Variants in KSR2 observed in about 807,000 individuals in gnomAD.
The protein encoded by KSR2 is kinase suppressor of ras 2.
In KSR2, 25 loss-of-function variants were observed where a neutral mutation model predicts 107.8. The ratio of observed to expected loss-of-function variants is 0.23; its 90% CI spans 0.17 to 0.32. The LOEUF is 0.32. Ranked by LOEUF, KSR2 falls within the 10% of genes least tolerant of loss-of-function variation. The probability of loss-of-function intolerance (pLI) is 1.00; values close to 1 mark genes in which losing one functional copy is unlikely to be tolerated. For missense variants in KSR2, 887 were observed against 1,268.9 expected, an observed-to-expected ratio of 0.70 and a Z score of 4.57; for synonymous variants, 480 against 507.0, an observed-to-expected ratio of 0.95 and a Z score of 0.71.
intron 5 of KSR2, among the ~76,000 whole-genome samples, chr12:117,627,905 T>C (rs1882607065): frequency 6.6e-6 from 1 of 152,242 alleles, no homozygotes; most frequent in African/African-American, 2.4e-5. Context: ...CATTTCTTTT[T>C]ACTCTTTTTT....
chr12:117,947,254 A>G (rs1279000986), intron 1 of KSR2, among the ~76,000 whole-genome samples: 2 of 124,698 alleles, frequency 1.6e-5, no homozygotes, highest in African/African-American at 3.1e-5. Flanking sequence ...AGAAAGAAAG[A>G]AAGAAGATAA....
chr12:117,622,785 C>T (rs967233100), intron 5 of KSR2, among the ~76,000 whole-genome samples: 1 of 152,182 alleles, frequency 6.6e-6, no homozygotes, highest in Non-Finnish European at 1.5e-5. Context: ...CAAACCCATC[C>T]AAGCTGTTAC....
At chr12:117,924,059 G>C (rs1286159801) in intron 1 of KSR2, among the ~76,000 whole-genome samples, 6 of 151,050 alleles carry the variant, frequency 4.0e-5, no homozygotes, top group East Asian at 2.0e-4. Flanking sequence ...TGTATTCTTA[G>C]TAGAGACGGG....
intron 5 of KSR2, among the ~76,000 whole-genome samples, chr12:117,590,322 C>T (rs2136265950): frequency 6.6e-6 from 1 of 152,284 alleles, no homozygotes; most frequent in South Asian, 2.1e-4. Context: ...AATCAACTTG[C>T]CCAGTGCAGT....
intron 4 of KSR2, among the ~76,000 whole-genome samples, chr12:117,753,947 CGTGTGTGTGTGTGTGTGTGTGTGTGT>C (rs34174404): frequency 5.1e-4 from 66 of 129,028 alleles, no homozygotes; most frequent in African/African-American, 1.6e-3. Flanking sequence ...AAGTATAGAG[CGTGTGTGTGTGTGTGTGTGTGTGTGT>C]GTGTGTGTGT....
At chr12:117,690,931 G>T (rs1221408260) in intron 4 of KSR2, among the ~76,000 whole-genome samples, 1 of 152,128 alleles carries the variant, frequency 6.6e-6, no homozygotes, top group African/African-American at 2.4e-5. Context: ...CAGGTTCTCA[G>T]ATCCGAAGGT....
chr12:117,621,341 T>C (rs1403969452), intron 5 of KSR2, among the ~76,000 whole-genome samples: 1 of 152,180 alleles, frequency 6.6e-6, no homozygotes, highest in East Asian at 1.9e-4. Flanking sequence ...CTCTGGCAGT[T>C]ATTTACAGCA....
chr12:117,721,713 C>T (rs1453557710), intron 4 of KSR2, among the ~76,000 whole-genome samples: 1 of 152,132 alleles, frequency 6.6e-6, no homozygotes, highest in Non-Finnish European at 1.5e-5. Context: ...GAGTGCATTC[C>T]TACTCCCTAG....
Position 117,552,311 on chromosome 12 carries a change from G to A in KSR2, c.1518+2858C>T, listed in dbSNP as rs145839797. On this transcript the variant is annotated intron_variant, in intron 9 of 19. Transcript: ENST00000339824. ...ACTGTCTGAGGTTAGTGTTCTTATT[G>A]CCTGCCACGGGCTCTTTAAAACATG... Among the ~76,000 whole-genome samples, 54 of 152,282 alleles carry A rather than the reference G, an allele frequency of 3.5e-4. 1 individual carries two copies. The East Asian group carries it at 0.01, about 28-fold the overall frequency.
At chr12:117,840,361 G>A (rs1892417195) in intron 3 of KSR2, among the ~76,000 whole-genome samples, 1 of 152,108 alleles carries the variant, frequency 6.6e-6, no homozygotes, top group East Asian at 1.9e-4. Context: ...GCCTCCCAAA[G>A]TGCTGGGATT....
chr12:117,533,837 A>G (rs1184470925), intron 10 of KSR2, among the ~76,000 whole-genome samples: 1 of 152,146 alleles, frequency 6.6e-6, no homozygotes, highest in Non-Finnish European at 1.5e-5. Flanking sequence ...GGACACCAGC[A>G]AATGCCTCCA....
intron 1 of KSR2, among the ~76,000 whole-genome samples, chr12:117,920,648 C>A (rs1016955316): frequency 1.3e-5 from 2 of 152,060 alleles, no homozygotes; most frequent in South Asian, 4.2e-4. Flanking sequence ...TTTTTAGATA[C>A]AGAAATTGTG....
At chr12:117,913,755 G>A (rs1488747532) in intron 1 of KSR2, among the ~76,000 whole-genome samples, 2 of 152,132 alleles carry the variant, frequency 1.3e-5, no homozygotes, top group Non-Finnish European at 2.9e-5. Flanking sequence ...GTGGCCTCTG[G>A]AACTGTAAGA....
chr12:117,855,030 T>C (rs953997571), intron 3 of KSR2, among the ~76,000 whole-genome samples: 28 of 150,638 alleles, frequency 1.9e-4, no homozygotes, highest in African/African-American at 6.8e-4. Context: ...TTCTGGTTTA[T>C]GTTACAATTA....
intron 5 of KSR2, among the ~76,000 whole-genome samples, chr12:117,636,942 TAA>T (rs1235155717): frequency 6.8e-6 from 1 of 147,552 alleles, no homozygotes; most frequent in Non-Finnish European, 1.5e-5. Flanking sequence ...TTTTAGTTTC[TAA>T]AAGTCAATAA....
chr12:117,568,651 G>A (rs1405946420), intron 7 of KSR2, among the ~76,000 whole-genome samples: 1 of 152,140 alleles, frequency 6.6e-6, no homozygotes, highest in African/African-American at 2.4e-5. Context: ...AGGATTAAAT[G>A]AGATCATGCA....
At position 117,739,459 on chromosome 12, in the gene KSR2, G is replaced by A. The variant is rs148756563; in HGVS notation, c.986+21552C>T. 2.7e-4 allele frequency among the ~76,000 whole-genome samples: 41 copies of A among 152,228 alleles called. No homozygotes were observed. The East Asian group carries it at 7.3e-3, about 27-fold the overall frequency. ...GGCAATTTCCAGCTCCATTATAATC[G>A]TAGAGACCACCGTTGAGATAAGCAG... On this transcript the variant is annotated intron_variant, in intron 4 of 19. Coordinates refer to ENST00000339824, the MANE Select transcript of KSR2 (RefSeq NM_173598.6).
At position 117,740,807 on chromosome 12, in the gene KSR2, G is replaced by C. The variant is rs147985543; in HGVS notation, c.986+20204C>G. Among the ~76,000 whole-genome samples the C allele has an allele frequency of 4.4e-3, 673 of 151,892 alleles. 1 individual carries two copies. The highest frequency in any genetic ancestry group is 8.0e-3 in the Non-Finnish European group (545 of 67,976). On this transcript the variant is annotated intron_variant, in intron 4 of 19. Coordinates refer to ENST00000339824, the MANE Select transcript of KSR2 (RefSeq NM_173598.6). ...TGTGCAAGTATCTTTATTTTCAATTGATAGAACTTGGCACACTCTGCCAGG... is the reference window on the plus strand; with the variant it reads ...TGTGCAAGTATCTTTATTTTCAATTCATAGAACTTGGCACACTCTGCCAGG...
At chr12:117,799,852 A>G (rs1413333171) in intron 3 of KSR2, among the ~76,000 whole-genome samples, 2 of 152,196 alleles carry the variant, frequency 1.3e-5, no homozygotes, top group African/African-American at 4.8e-5. Flanking sequence ...GGGCACCTAA[A>G]AGGCACCAAA....
Sources: gnomAD v4.1 joint callset for allele counts (sites outside exome capture counted in the v4.1 genomes callset) on GRCh38, gnomAD v4.1.1 for gene constraint, MANE v1.5 for transcripts, NCBI Gene and HGNC (gene_info 2026-07-23, HGNC 2026-07-21) for gene names.